NEK1: variants seen among roughly 807,000 people sequenced by gnomAD.
The protein encoded by NEK1 is serine/threonine-protein kinase Nek1.
A neutral mutation model predicts 182.1 loss-of-function variants in NEK1; 137 were observed. The ratio of observed to expected loss-of-function variants is 0.75; its 90% CI spans 0.65 to 0.87. NEK1 has a LOEUF of 0.87. NEK1 is among the 40% of genes least tolerant of loss of function. NEK1 has a pLI of 0.00. For synonymous variants in NEK1, 513 were observed against 492.2 expected (o/e 1.04, Z -0.56); for missense variants, 1,391 against 1,494.4 (o/e 0.93, Z 1.14).
At chr4:169,407,661 A>C (rs1732884207) in intron 31 of NEK1, among the ~76,000 whole-genome samples, 1 of 152,232 alleles carries the variant, frequency 6.6e-6, no homozygotes, top group Non-Finnish European at 1.5e-5. Context: ...CAAGGCTATG[A>C]AACAACTAAC....
intron 26 of NEK1, among the ~76,000 whole-genome samples, chr4:169,466,888 G>A (rs1745032930): frequency 6.6e-6 from 1 of 151,830 alleles, no homozygotes; most frequent in East Asian, 1.9e-4. Flanking sequence ...CAAAGGTTGG[G>A]AGGGAACAAA....
At chr4:169,513,898 T>C (rs1178862672) in intron 19 of NEK1, among the ~76,000 whole-genome samples, 2 of 152,176 alleles carry the variant, frequency 1.3e-5, no homozygotes, top group Non-Finnish European at 1.5e-5. Flanking sequence ...AAAATACTTG[T>C]ACATCTAGAC....
intron 33 of NEK1, 88 bp downstream of exon 33, chr4:169,401,564 T>G (rs759763870): frequency 2.9e-5 from 31 of 1,083,486 alleles, no homozygotes; most frequent in Non-Finnish European, 3.9e-5. Flanking sequence ...AAGTTGGAAA[T>G]GGTTCACAGC....
intron 23 of NEK1, among the ~76,000 whole-genome samples, chr4:169,492,231 T>C (rs984054455): frequency 9.2e-5 from 14 of 152,204 alleles, no homozygotes; most frequent in Non-Finnish European, 1.6e-4. Flanking sequence ...TGCTTCAAGA[T>C]TGTGACTACG....
intron 16 of NEK1, among the ~76,000 whole-genome samples, chr4:169,560,131 A>G (rs1284000020): frequency 6.6e-6 from 1 of 152,250 alleles, no homozygotes; most frequent in Non-Finnish European, 1.5e-5. Context: ...ATCTATTTAT[A>G]ATCTCAGTTC....
At chr4:169,515,555 GGTTA>G (rs1304769202) in intron 19 of NEK1, among the ~76,000 whole-genome samples, 2 of 145,056 alleles carry the variant, frequency 1.4e-5, no homozygotes, top group Admixed American at 1.4e-4. Flanking sequence ...ACATTGTGCA[GGTTA>G]GTTACATATG....
chr4:169,573,407 T>G (rs1015570571), intron 12 of NEK1, among the ~76,000 whole-genome samples: 12 of 152,232 alleles, frequency 7.9e-5, no homozygotes, highest in Admixed American at 6.5e-5. Flanking sequence ...TAATTTGATA[T>G]TGTTGGTTAC....
At chr4:169,551,716 T>A (rs1295298450) in intron 18 of NEK1, among the ~76,000 whole-genome samples, 4 of 152,146 alleles carry the variant, frequency 2.6e-5, no homozygotes, top group Admixed American at 1.3e-4. Flanking sequence ...ATTATTTTCT[T>A]TCCTGTTTCC....
chr4:169,530,718 C>T (rs112054825), intron 19 of NEK1, among the ~76,000 whole-genome samples: 18 of 150,268 alleles, frequency 1.2e-4, no homozygotes, highest in South Asian at 4.2e-4. Flanking sequence ...GGGGGTAGAA[C>T]GAGAGATGTG....
chr4:169,583,222 G>A (rs1766960624), intron 10 of NEK1, among the ~76,000 whole-genome samples: 1 of 146,288 alleles, frequency 6.8e-6, no homozygotes, highest in Non-Finnish European at 1.5e-5. Flanking sequence ...AGCTGAGACT[G>A]CACCACTGCA....
intron 23 of NEK1, among the ~76,000 whole-genome samples, chr4:169,487,121 T>C (rs543606685): frequency 1.1e-4 from 17 of 152,334 alleles, no homozygotes; most frequent in African/African-American, 4.1e-4. Context: ...ATTAGGTATA[T>C]ACTGCCAAAG....
chr4:169,479,592 A>C (rs1192305837), intron 23 of NEK1, 58 bp from the exon 24 acceptor site: 1 of 1,369,340 alleles, frequency 7.3e-7, no homozygotes. Flanking sequence ...TGAAGAAATA[A>C]AATGGTACCT....
chr4:169,580,903 C>G lies in NEK1; in HGVS notation c.808-1G>C, dbSNP rs1766525611. The G allele has an allele frequency of 6.6e-7, 1 of 1,507,246 alleles. No individual in the cohort carries two copies. The highest frequency in any genetic ancestry group is 9.0e-7 in the Non-Finnish European group (1 of 1,115,772). 93.4% of individuals were successfully genotyped at this position (1,507,246 alleles called of 1,614,324 possible). ...TTAGACAAAATTCTTCTGCAATAAG[C>G]TGAGATTGAAAGAGAAAAAAATTAG... On this transcript the variant is annotated splice_acceptor_variant, in intron 10 of 35. Coordinates refer to ENST00000507142, the MANE Select transcript of NEK1 (RefSeq NM_001199397.3). LOFTEE classifies it high-confidence loss of function.
At chr4:169,409,887 T>C (rs924805425) in intron 31 of NEK1, among the ~76,000 whole-genome samples, 15 of 152,222 alleles carry the variant, frequency 9.9e-5, no homozygotes, top group African/African-American at 3.4e-4. Context: ...GTTTTTCATA[T>C]GTTTCTTGTT....
chr4:169,604,206 A>G (rs1488125501), intron 2 of NEK1, among the ~76,000 whole-genome samples: 1 of 152,172 alleles, frequency 6.6e-6, no homozygotes. Flanking sequence ...TCTTTTCTTT[A>G]TATTTCTACT....
At chr4:169,464,766 TAAAC>T (rs1203014722) in intron 26 of NEK1, among the ~76,000 whole-genome samples, 1 of 152,062 alleles carries the variant, frequency 6.6e-6, no homozygotes, top group Non-Finnish European at 1.5e-5. Context: ...AATCTTAAAA[TAAAC>T]ATACATATGG....
chr4:169,454,230 G>C (rs12171444), intron 27 of NEK1, among the ~76,000 whole-genome samples: 13,710 of 152,212 alleles, frequency 0.09, 816 homozygotes, highest in African/African-American at 0.17. Flanking sequence ...AGAAACCCTA[G>C]AAGAAAACCC....
At chr4:169,450,593 A>T (rs1048334492) in intron 27 of NEK1, among the ~76,000 whole-genome samples, 1 of 152,190 alleles carries the variant, frequency 6.6e-6, no homozygotes, top group African/African-American at 2.4e-5. Context: ...TTCATAAGTG[A>T]AGCAGAAATA....
chr4:169,506,976 C>G, intron 23 of NEK1, 61 bp downstream of exon 23: 4 of 1,107,354 alleles, frequency 3.6e-6, no homozygotes, highest in Non-Finnish European at 5.2e-6. Context: ...TGATGTACTA[C>G]CCAGGAAGAG....
Sources: allele counts gnomAD v4.1 joint callset (sites outside exome capture counted in the v4.1 genomes callset), GRCh38; gene constraint gnomAD v4.1.1; transcripts MANE v1.5; gene names NCBI Gene and HGNC (gene_info 2026-07-23, HGNC 2026-07-21).